The following FMR1NB variants were observed in gnomAD, a reference collection of about 807,000 sequenced individuals.
The protein encoded by FMR1NB is FMR1 neighbor.
Under a neutral mutation model 16.8 loss-of-function variants are expected in FMR1NB, and 10 were observed. The observed-to-expected ratio is 0.60, with a 90% CI of 0.37 to 1.01. The LOEUF is 1.01. Ranked by LOEUF, FMR1NB falls within the 50% of genes least tolerant of loss-of-function variation. FMR1NB has a pLI of 0.01. For missense variants in FMR1NB, 205 were observed against 204.8 expected, an observed-to-expected ratio of 1.00 and a Z score of 0.00; for synonymous variants, 83 against 79.1, an observed-to-expected ratio of 1.05 and a Z score of -0.26.
chrX:147,983,357 C>G (rs2044460753), intron 1 of FMR1NB, among the ~76,000 whole-genome samples: 1 of 112,128 alleles, frequency 8.9e-6, no homozygotes, highest in African/African-American at 3.2e-5. Flanking sequence ...TACATCTCCA[C>G]TAACAATGTT....
At chrX:148,016,133 T>G (rs782275142) in intron 4 of FMR1NB, among the ~76,000 whole-genome samples, 2 of 83,423 alleles carry the variant, frequency 2.4e-5, no homozygotes, top group African/African-American at 9.5e-5. Flanking sequence ...CTCCTTCCCT[T>G]TCTTGGTTTC....
chrX:147,993,807 T>TCAC (rs1302795913), intron 1 of FMR1NB, among the ~76,000 whole-genome samples: 3 of 110,403 alleles, frequency 2.7e-5, no homozygotes, highest in Non-Finnish European at 5.7e-5. Context: ...TTTCCTTCCT[T>TCAC]CACCACCCAA....
intron 4 of FMR1NB, among the ~76,000 whole-genome samples, chrX:148,012,586 G>T (rs1465678299): frequency 9.0e-6 from 1 of 111,319 alleles, no homozygotes. Context: ...CTGATACACA[G>T]ATGATGTAAA....
At chrX:147,982,768 C>G (rs970766734) in intron 1 of FMR1NB, among the ~76,000 whole-genome samples, 1 of 109,115 alleles carries the variant, frequency 9.2e-6, no homozygotes, top group Non-Finnish European at 1.9e-5. Context: ...GTGGCAGGCG[C>G]CTGTATTCCC....
At position 148,008,600 on chromosome X, in the gene FMR1NB, A is replaced by G. The variant is rs782393768; in HGVS notation, c.539-18A>G. 26 of 1,196,644 alleles carry G rather than the reference A, an allele frequency of 2.2e-5. No homozygotes were observed. The South Asian group carries it at 4.2e-4, about 19-fold the overall frequency. ...TTGCTTAAGTCATGAAAGTAACAGGATATAATTAAACCAACAGTGCCTAAA... is the reference window on the plus strand; with the variant it reads ...TTGCTTAAGTCATGAAAGTAACAGGGTATAATTAAACCAACAGTGCCTAAA... On this transcript the variant is annotated intron_variant, in intron 3 of 5. Transcript: ENST00000370467.
chrX:148,022,659 C>A (rs2124629552), intron 4 of FMR1NB, among the ~76,000 whole-genome samples: 1 of 111,223 alleles, frequency 9.0e-6, no homozygotes. Context: ...TTTTCATTGC[C>A]TATTAGGTAG....
chrX:147,987,803 C>T (rs1371690392), intron 1 of FMR1NB, among the ~76,000 whole-genome samples: 2 of 108,895 alleles, frequency 1.8e-5, no homozygotes, highest in Non-Finnish European at 3.8e-5. Context: ...CCTTCTTTGT[C>T]TTTTTTGATT....
At position 148,003,259 on chromosome X, in the gene FMR1NB, T is replaced by C; in HGVS notation, c.336T>C (p.His112=). The C allele has an allele frequency of 8.3e-7, 1 of 1,211,132 alleles. No individual in the cohort carries two copies. The highest frequency in any genetic ancestry group is 1.1e-6 in the Non-Finnish European group (1 of 894,636). ...GHILPNSENA[H]GQSLEEDSAL... ...TCCTGCCCAACAGTGAAAATGCTCA[T>C]GGCCAATCTCTGGAAGAAGATTCCG... is the stretch of plus-strand genomic sequence containing the variant. The change falls in exon 2 of 6, where the codon CAT becomes CAC. Residue 112 remains histidine, a synonymous_variant. Coordinates refer to ENST00000370467, the MANE Select transcript of FMR1NB (RefSeq NM_152578.3).
At chrX:147,985,996 T>C (rs1437704600) in intron 1 of FMR1NB, among the ~76,000 whole-genome samples, 1 of 112,536 alleles carries the variant, frequency 8.9e-6, no homozygotes, top group Non-Finnish European at 1.9e-5. Context: ...TCCATACATT[T>C]TAATGATTGC....
chrX:148,008,611 C>T lies in FMR1NB; in HGVS notation c.539-7C>T. The T allele has an allele frequency of 8.3e-7, 1 of 1,206,266 alleles. No homozygotes were observed. Among genetic ancestry groups the T allele is most frequent in the Non-Finnish European group, 1.1e-6 (1 of 892,343 alleles). On this transcript the variant is annotated splice_polypyrimidine_tract_variant and splice_region_variant and intron_variant, in intron 3 of 5. Transcript: ENST00000370467. ...ATGAAAGTAACAGGATATAATTAAA[C>T]CAACAGTGCCTAAACAGATGATGCA...
intron 1 of FMR1NB, among the ~76,000 whole-genome samples, chrX:147,996,591 G>C (rs1295633106): frequency 9.1e-6 from 1 of 110,337 alleles, no homozygotes; most frequent in East Asian, 2.8e-4. Flanking sequence ...AGCGGGGATG[G>C]GGGGGGCGGG....
At chrX:148,011,441 G>A (rs982532437) in intron 4 of FMR1NB, among the ~76,000 whole-genome samples, 4 of 111,180 alleles carry the variant, frequency 3.6e-5, no homozygotes, top group Admixed American at 9.6e-5. Context: ...TGCCTGTGCC[G>A]GGTATAACGG....
intron 1 of FMR1NB, among the ~76,000 whole-genome samples, chrX:147,996,708 T>C (rs1455398365): frequency 8.9e-6 from 1 of 111,825 alleles, no homozygotes; most frequent in Non-Finnish European, 1.9e-5. Context: ...TCCCCAAGTG[T>C]GGGGCCCTGT....
intron 2 of FMR1NB, among the ~76,000 whole-genome samples, chrX:148,003,652 C>T (rs2044581989): frequency 8.9e-6 from 1 of 112,322 alleles, no homozygotes; most frequent in Non-Finnish European, 1.9e-5. Context: ...GCCTGAAATT[C>T]AGTCACTGAC....
chrX:147,986,507 G>T (rs1438419023), intron 1 of FMR1NB, among the ~76,000 whole-genome samples: 1 of 112,005 alleles, frequency 8.9e-6, no homozygotes, highest in African/African-American at 3.2e-5. Flanking sequence ...TAAGGTGTAA[G>T]GAAGGGGTCC....
intron 1 of FMR1NB, among the ~76,000 whole-genome samples, chrX:147,995,362 G>A (rs782119253): frequency 8.9e-6 from 1 of 112,026 alleles, no homozygotes; most frequent in Non-Finnish European, 1.9e-5. Context: ...ATTTCTAGAC[G>A]GACCCTAGTG....
chrX:147,995,832 C>CT (rs1475937036), intron 1 of FMR1NB, among the ~76,000 whole-genome samples: 2 of 112,438 alleles, frequency 1.8e-5, no homozygotes, highest in Non-Finnish European at 3.8e-5. Flanking sequence ...CTAGCTTTTG[C>CT]TTTAACCCTG....
At chrX:148,006,614 T>C in intron 2 of FMR1NB, 88 bp from the exon 3 acceptor site, 1 of 1,009,618 alleles carries the variant, frequency 9.9e-7, no homozygotes, top group African/African-American at 1.9e-5. Context: ...TGTTTGCTTT[T>C]CTTCTTTGTC....
rs199503494 is a variant in FMR1NB at position 147,981,493 on chromosome X, T to C, written c.91T>C (p.Leu31=). The C allele has an allele frequency of 1.1e-5, 13 of 1,209,658 alleles. No homozygotes were observed. The East Asian group carries it at 2.1e-4, about 19-fold the overall frequency. Residue 31 remains leucine (L), a synonymous_variant, in exon 1 of 6, where the codon TTG becomes CTG. Coordinates refer to ENST00000370467, the MANE Select transcript of FMR1NB (RefSeq NM_152578.3). ...TCACTTAGAGCTGGCAACTTATGAG[T>C]TGGCGGCAACTGAGTCGAATCCCGA... is the stretch of plus-strand genomic sequence containing the variant. ...VAHLELATYE[L]AATESNPESS... is the part of the protein sequence containing the mutation.
Sources: allele counts gnomAD v4.1 joint callset (sites outside exome capture counted in the v4.1 genomes callset), GRCh38; gene constraint gnomAD v4.1.1; transcripts MANE v1.5; gene names NCBI Gene and HGNC (gene_info 2026-07-23, HGNC 2026-07-21).